Variants in STXBP4 observed in about 807,000 individuals in gnomAD.
The protein encoded by STXBP4 is syntaxin-binding protein 4.
In STXBP4, 55 loss-of-function variants were observed where a neutral mutation model predicts 76.1. The ratio of observed to expected loss-of-function variants is 0.72; its 90% CI spans 0.58 to 0.91. STXBP4 has a LOEUF of 0.91. Ranked by LOEUF, STXBP4 falls within the 40% of genes least tolerant of loss-of-function variation. The pLI, the probability that STXBP4 is intolerant of heterozygous loss-of-function variation, is 0.00. For synonymous variants in STXBP4, 201 were observed against 220.2 expected, an observed-to-expected ratio of 0.91 and a Z score of 0.77; for missense variants, 618 against 636.9, an observed-to-expected ratio of 0.97 and a Z score of 0.32.
At chr17:55,023,450 T>C (rs979212793) in intron 8 of STXBP4, among the ~76,000 whole-genome samples, 1 of 152,228 alleles carries the variant, frequency 6.6e-6, no homozygotes, top group Non-Finnish European at 1.5e-5. Flanking sequence ...TTTTATATAA[T>C]GTTTTAAAAT....
intron 3 of STXBP4, 64 bp from the exon 4 acceptor site, chr17:54,990,761 T>A: frequency 6.6e-7 from 1 of 1,510,024 alleles, no homozygotes; most frequent in Non-Finnish European, 8.8e-7. Flanking sequence ...AATAAGTAGT[T>A]TAAAGAAAAA....
intron 8 of STXBP4, among the ~76,000 whole-genome samples, chr17:55,016,956 T>C (rs2078219305): frequency 6.6e-6 from 1 of 152,170 alleles, no homozygotes; most frequent in South Asian, 2.1e-4. Flanking sequence ...GCTGAATGCC[T>C]CTGGGCCGTC....
At chr17:55,184,418 C>T in the STXBP4 span, among the ~76,000 whole-genome samples, 1 of 152,200 alleles carries the variant, frequency 6.6e-6, no homozygotes, top group East Asian at 1.9e-4. Flanking sequence ...GTATAAGCAT[C>T]ACACAGGAGA....
In STXBP4 at chr17:55,162,391, C is replaced by T. The variant is rs2145200712; in HGVS notation, c.*2480C>T. 6.6e-6 allele frequency: 1 copy of T among 152,246 alleles called. No individual in the cohort carries two copies. The highest frequency in any genetic ancestry group is 1.9e-4 in the East Asian group (1 of 5,180). 9.4% of individuals were successfully genotyped at this position (152,246 alleles called of 1,614,324 possible). A position where few individuals can be genotyped will look rare whatever the true frequency, so the allele number is the denominator to read the frequency against. On this transcript the variant is annotated 3_prime_UTR_variant, in exon 18 of 18. Coordinates refer to ENST00000376352, the MANE Select transcript of STXBP4 (RefSeq NM_178509.6). The stretch of plus-strand genomic sequence containing the variant: ...GGCTTGGATTTTAGGGTTAGAAAAT[C>T]TGAATGTTCTTATGTCCTTCCGTCT...
intron 10 of STXBP4, 71 bp downstream of exon 10, chr17:55,034,330 G>A (rs1006359791): frequency 2.0e-6 from 2 of 999,302 alleles, no homozygotes; most frequent in Non-Finnish European, 2.8e-6. Context: ...TGTCATATGT[G>A]TAGGCTTTTT....
intron 17 of STXBP4, among the ~76,000 whole-genome samples, chr17:55,159,323 T>C (rs1056758778): frequency 2.0e-5 from 3 of 152,208 alleles, no homozygotes. Flanking sequence ...AAACAAAGTA[T>C]TTCATTGAAT....
chr17:54,977,185 G>A (rs72628374), intron 1 of STXBP4, among the ~76,000 whole-genome samples: 7,429 of 151,998 alleles, frequency 0.049, 293 homozygotes, highest in East Asian at 0.2. Flanking sequence ...TTCTGAACTC[G>A]TTAGATTCTT....
At chr17:55,156,841 A>T (rs1336454655) in intron 17 of STXBP4, among the ~76,000 whole-genome samples, 1 of 152,184 alleles carries the variant, frequency 6.6e-6, no homozygotes, top group Admixed American at 6.5e-5. Context: ...GTAAGATCAG[A>T]TGTGATTTGT....
chr17:55,074,640 G>T (rs2079158724), intron 13 of STXBP4, among the ~76,000 whole-genome samples: 1 of 151,902 alleles, frequency 6.6e-6, no homozygotes, highest in Admixed American at 6.6e-5. Context: ...TTTTAAGCTT[G>T]GGTTATTTGT....
chr17:55,094,719 C>T (rs1432484424), intron 16 of STXBP4, among the ~76,000 whole-genome samples: 1 of 152,070 alleles, frequency 6.6e-6, no homozygotes, highest in Non-Finnish European at 1.5e-5. Flanking sequence ...TGGATATTTG[C>T]TTTTTTCATC....
chr17:55,105,418 T>C (rs1196472035), intron 16 of STXBP4, among the ~76,000 whole-genome samples: 1 of 152,046 alleles, frequency 6.6e-6, no homozygotes, highest in Non-Finnish European at 1.5e-5. Context: ...TCAGCTTCCA[T>C]GTAGTTGTGC....
At chr17:55,101,711 A>G (rs114798868) in intron 16 of STXBP4, among the ~76,000 whole-genome samples, 1,786 of 152,342 alleles carry the variant, frequency 0.012, 34 homozygotes, top group African/African-American at 0.039. Flanking sequence ...GGAAGCATGA[A>G]TGAACCATGA....
chr17:55,065,612 G>A (rs1289647997), intron 12 of STXBP4, among the ~76,000 whole-genome samples: 5 of 151,286 alleles, frequency 3.3e-5, no homozygotes, highest in Admixed American at 6.6e-5. Context: ...TGGAGAATTA[G>A]GAAAGTAGCT....
chr17:55,094,115 C>T (rs1040468130), intron 16 of STXBP4, among the ~76,000 whole-genome samples: 1 of 144,966 alleles, frequency 6.9e-6, no homozygotes, highest in Non-Finnish European at 1.5e-5. Context: ...CTTTCAGGCC[C>T]AGTACAAATG....
intron 4 of STXBP4, chr17:54,991,910 C>T (rs978483835): frequency 3.3e-5 from 5 of 151,858 alleles, no homozygotes; most frequent in African/African-American, 1.2e-4. Flanking sequence ...GTTAAATAAA[C>T]AGTCCTACTA....
At chr17:55,119,965 G>A (rs940629582) in intron 16 of STXBP4, among the ~76,000 whole-genome samples, 19 of 151,908 alleles carry the variant, frequency 1.3e-4, no homozygotes, top group Admixed American at 3.9e-4. Flanking sequence ...TACAGAAAAC[G>A]TTTTAAAATG....
At chr17:55,017,556 T>C (rs2078230401) in intron 8 of STXBP4, among the ~76,000 whole-genome samples, 1 of 152,102 alleles carries the variant, frequency 6.6e-6, no homozygotes, top group Non-Finnish European at 1.5e-5. Flanking sequence ...TAAGAAGAAT[T>C]TGGGGGCTAC....
chr17:54,985,049 A>G (rs2077607445), intron 1 of STXBP4, among the ~76,000 whole-genome samples: 1 of 152,196 alleles, frequency 6.6e-6, no homozygotes, highest in Non-Finnish European at 1.5e-5. Context: ...TATATGTGCC[A>G]AGGTCAAGAT....
At chr17:55,204,199 A>G in the STXBP4 span, among the ~76,000 whole-genome samples, 1 of 151,552 alleles carries the variant, frequency 6.6e-6, no homozygotes, top group African/African-American at 2.4e-5. Flanking sequence ...TTGTCTCTTT[A>G]GCTGTGGTTA....
Sources: gnomAD v4.1 joint callset for allele counts (sites outside exome capture counted in the v4.1 genomes callset) on GRCh38, gnomAD v4.1.1 for gene constraint, MANE v1.5 for transcripts, NCBI Gene and HGNC (gene_info 2026-07-23, HGNC 2026-07-21) for gene names.